Variants in SDK1 observed in about 807,000 individuals in gnomAD.
The protein encoded by SDK1 is protein sidekick-1.
SDK1 carries 157 observed loss-of-function variants against 245.5 expected under a neutral mutation model. That is an observed-to-expected ratio of 0.64 (90% CI 0.56 to 0.73). SDK1 has a LOEUF of 0.73. Ranked by LOEUF, SDK1 falls within the 30% of genes least tolerant of loss-of-function variation. SDK1 has a pLI of 0.00. For synonymous variants in SDK1, 1,647 were observed against 1,278.5 expected (o/e 1.29, Z -6.15); for missense variants, 3,583 against 3,002.3 (o/e 1.19, Z -4.52).
intron 4 of SDK1, among the ~76,000 whole-genome samples, chr7:3,654,584 G>T (rs139354615): frequency 6.6e-6 from 1 of 152,178 alleles, no homozygotes; most frequent in South Asian, 2.1e-4. Context: ...ACTTAATGAA[G>T]GTCACTCAAG....
rs1187173771 is a variant in SDK1 at position 3,370,999 on chromosome 7, C to T, written c.298+69115C>T. ...GGAGGTGCTAAGGGTGCCGTCCAAC[C>T]CTGACTGCAAATCACTTAAAAGCTT... On this transcript the variant is annotated intron_variant, in intron 1 of 44. Transcript: ENST00000404826. 2.6e-5 allele frequency among the ~76,000 whole-genome samples: 4 copies of T among 152,144 alleles called. No homozygotes were observed. In the South Asian group the frequency reaches 8.3e-4, roughly 32 times the overall value.
At chr7:3,613,073 G>A (rs556864810) in intron 1 of SDK1, among the ~76,000 whole-genome samples, 1 of 152,286 alleles carries the variant, frequency 6.6e-6, no homozygotes, top group East Asian at 1.9e-4. Flanking sequence ...AGAAGAACTT[G>A]CAGTTCAACT....
At chr7:4,158,354 G>A in intron 30 of SDK1, 94 bp from the exon 31 acceptor site, 1 of 968,868 alleles carries the variant, frequency 1.0e-6, no homozygotes, top group East Asian at 2.5e-5. Flanking sequence ...GGCAGGGGAG[G>A]GATTTGCCCC....
At chr7:3,873,135 G>A (rs1337488278) in intron 5 of SDK1, among the ~76,000 whole-genome samples, 1 of 152,012 alleles carries the variant, frequency 6.6e-6, no homozygotes, top group Non-Finnish European at 1.5e-5. Flanking sequence ...ATGTCTACTG[G>A]CAGTAAATTC....
chr7:3,476,577 C>T (rs2128600422), intron 1 of SDK1, among the ~76,000 whole-genome samples: 1 of 152,314 alleles, frequency 6.6e-6, no homozygotes, highest in East Asian at 1.9e-4. Context: ...TTTCAGAATA[C>T]ATATGTGTTT....
At chr7:4,096,614 A>G (rs1231810806) in intron 22 of SDK1, among the ~76,000 whole-genome samples, 1 of 152,200 alleles carries the variant, frequency 6.6e-6, no homozygotes, top group African/African-American at 2.4e-5. Flanking sequence ...GTTCCTAATA[A>G]TAAAAATAAT....
chr7:3,437,886 A>G (rs1373374980), intron 1 of SDK1, among the ~76,000 whole-genome samples: 1 of 152,234 alleles, frequency 6.6e-6, no homozygotes, highest in Non-Finnish European at 1.5e-5. Flanking sequence ...GGGATTACGT[A>G]GTTGACATCT....
At chr7:3,588,736 G>A (rs1780766824) in intron 1 of SDK1, among the ~76,000 whole-genome samples, 1 of 152,286 alleles carries the variant, frequency 6.6e-6, no homozygotes, top group East Asian at 1.9e-4. Context: ...GTTTCTCCTT[G>A]CTATCAGTTC....
At chr7:3,667,017 G>A (rs1783556440) in intron 4 of SDK1, among the ~76,000 whole-genome samples, 1 of 151,876 alleles carries the variant, frequency 6.6e-6, no homozygotes, top group Admixed American at 6.6e-5. Flanking sequence ...TTACGGTTTG[G>A]GAAATTTTAT....
At chr7:3,353,225 C>T (rs1324744456) in intron 1 of SDK1, among the ~76,000 whole-genome samples, 3 of 152,064 alleles carry the variant, frequency 2.0e-5, no homozygotes, top group African/African-American at 7.2e-5. Flanking sequence ...TAGATTATAT[C>T]CCTTTTTACT....
intron 5 of SDK1, among the ~76,000 whole-genome samples, chr7:3,932,553 C>T (rs2044225): frequency 0.24 from 36,998 of 152,030 alleles, 4,789 homozygotes; most frequent in Middle Eastern, 0.36. Context: ...CTGGGGCAGA[C>T]GGGAAAAGAA....
At chr7:4,234,456 G>T (rs762838337) in intron 41 of SDK1, among the ~76,000 whole-genome samples, 1 of 152,140 alleles carries the variant, frequency 6.6e-6, no homozygotes, top group Non-Finnish European at 1.5e-5. Context: ...CTGTGACCTC[G>T]CCTGGGAATC....
chr7:4,162,555 A>G (rs1376661928), intron 32 of SDK1, among the ~76,000 whole-genome samples: 6 of 151,864 alleles, frequency 4.0e-5, no homozygotes, highest in Non-Finnish European at 5.9e-5. Context: ...GCATGCCCCT[A>G]CACCCAACTA....
At position 3,987,208 on chromosome 7, in the gene SDK1, A is replaced by T. The variant is rs1393591369; in HGVS notation, c.2017A>T (p.Asn673Tyr). 3.7e-6 allele frequency: 6 copies of T among 1,613,962 alleles called. No individual in the cohort carries two copies. In the African/African-American group the frequency reaches 6.7e-5, roughly 18 times the overall value. Residue 673 changes from asparagine to tyrosine, a missense_variant, in exon 14 of 45, where the codon AAC (asparagine) becomes TAC (tyrosine). Transcript: ENST00000404826. Reference protein sequence around the residue: ...EVIELPHSPQNLLVSPNSSHS... With the variant: ...EVIELPHSPQYLLVSPNSSHS... ...AAGTGAACTGCCTCATTCACCTCAGAACCTCCTGGTCAGCCCTAATTCTTC... is the reference window on the plus strand; with the variant it reads ...AAGTGAACTGCCTCATTCACCTCAGTACCTCCTGGTCAGCCCTAATTCTTC...
intron 1 of SDK1, among the ~76,000 whole-genome samples, chr7:3,344,953 C>T (rs1214774978): frequency 6.6e-6 from 1 of 152,194 alleles, no homozygotes; most frequent in Admixed American, 6.5e-5. Context: ...ACCTACCACA[C>T]AGGGTAGTGC....
At chr7:3,883,294 A>G (rs918489418) in intron 5 of SDK1, among the ~76,000 whole-genome samples, 5 of 152,210 alleles carry the variant, frequency 3.3e-5, no homozygotes, top group Admixed American at 6.5e-5. Context: ...AAGGCCTTGT[A>G]TATAGCCCTT....
chr7:3,647,056 C>T (rs922945104), intron 4 of SDK1, among the ~76,000 whole-genome samples: 1 of 152,188 alleles, frequency 6.6e-6, no homozygotes, highest in East Asian at 1.9e-4. Context: ...TGTGAATGCA[C>T]TTAATGCCAC....
At chr7:3,910,127 G>A (rs750709404) in intron 5 of SDK1, among the ~76,000 whole-genome samples, 2 of 152,222 alleles carry the variant, frequency 1.3e-5, no homozygotes, top group Non-Finnish European at 2.9e-5. Context: ...GGCCCCCTGC[G>A]TGGTGCTGCG....
At chr7:3,393,233 CAGTGCTGGGATTACAG>C (rs1485936057) in intron 1 of SDK1, among the ~76,000 whole-genome samples, 1 of 151,868 alleles carries the variant, frequency 6.6e-6, no homozygotes, top group East Asian at 1.9e-4. Context: ...CAGCCTCCCA[CAGTGCTGGGATTACAG>C]GTATAAGCCA....
Sources: gnomAD v4.1 joint callset for allele counts (sites outside exome capture counted in the v4.1 genomes callset) on GRCh38, gnomAD v4.1.1 for gene constraint, MANE v1.5 for transcripts, NCBI Gene and HGNC (gene_info 2026-07-23, HGNC 2026-07-21) for gene names.